The following COPB2 variants were observed in gnomAD, a reference collection of about 807,000 sequenced individuals.
COPB2 encodes the protein coat protein complex I subunit beta 2, also known as coatomer subunit beta'.
In COPB2, 16 loss-of-function variants were observed where a neutral mutation model predicts 120.8. The ratio of observed to expected loss-of-function variants is 0.13; its 90% CI spans 0.09 to 0.20. The LOEUF is 0.20. COPB2 is among the 10% of genes least tolerant of loss of function. COPB2 has a pLI of 1.00. For synonymous variants in COPB2, 332 were observed against 366.3 expected, an observed-to-expected ratio of 0.91 and a Z score of 1.07; for missense variants, 794 against 1,076.5, an observed-to-expected ratio of 0.74 and a Z score of 3.67.
intron 6 of COPB2, 84 bp from the exon 7 acceptor site, chr3:139,374,672 A>G: frequency 4.1e-6 from 4 of 981,150 alleles, no homozygotes; most frequent in Non-Finnish European, 6.0e-6. Context: ...GTACAGATAC[A>G]TTATAAATGA....
chr3:139,358,841 G>T, intron 19 of COPB2, 29 bp from the exon 20 acceptor site: 1 of 1,565,502 alleles, frequency 6.4e-7, no homozygotes, highest in Non-Finnish European at 8.8e-7. Context: ...ATGATGAAAT[G>T]AGATATTCTG....
intron 2 of COPB2, chr3:139,381,621 G>A (rs1941813359): frequency 6.6e-6 from 1 of 152,178 alleles, no homozygotes. Context: ...TATGAAAGGG[G>A]AAGCAGATGG....
chr3:139,382,235 C>T (rs958130901), intron 2 of COPB2: 20 of 152,264 alleles, frequency 1.3e-4, no homozygotes, highest in African/African-American at 4.6e-4. Flanking sequence ...TTGCCGTTCT[C>T]GTGATAGTGA....
At chr3:139,373,143 G>A (rs757449739) in intron 9 of COPB2, 70 bp downstream of exon 9, 1 of 1,456,722 alleles carries the variant, frequency 6.9e-7, no homozygotes. Context: ...CAGGGCAAGA[G>A]TGGACTGTGG....
chr3:139,362,506 C>A lies in COPB2; in HGVS notation c.1896G>T (p.Gln632His). Residue 632 changes from glutamine (Q) to histidine (H), a missense_variant, in exon 16 of 22, where the codon CAG becomes CAT. Gln to His is a conservative substitution (Grantham distance 24). Around this residue, in one of 3 missense-constraint regions of COPB2, gnomAD observed 610 missense variants for 866.7 expected, o/e 0.70. Transcript: ENST00000333188. ...AHFLEKQGFK[Q>H]QALTVSTDPE... ...GATCTGTGGATACTGTAAGAGCTTG[C>A]TGCTTGAAGCCCTAAACAGATTTTT... 6.2e-7 allele frequency: 1 copy of A among 1,604,266 alleles called. No individual in the cohort carries two copies. The highest frequency in any genetic ancestry group is 1.1e-5 in the South Asian group (1 of 88,670).
At position 139,359,771 on chromosome 3, in the gene COPB2, G is replaced by A. The variant is rs148644759; in HGVS notation, c.2211-409C>T. Reference sequence around the variant, plus strand: ...GTGGTGCCCAGCAGAATACCATGGTGTCTTATTTTTTCTTCTATTTTAATT... The same window carrying A: ...GTGGTGCCCAGCAGAATACCATGGTATCTTATTTTTTCTTCTATTTTAATT... On this transcript the variant is annotated intron_variant, in intron 17 of 21. Transcript: ENST00000333188. Among the ~76,000 whole-genome samples, 99 of 152,050 alleles carry A rather than the reference G, an allele frequency of 6.5e-4. 1 individual carries two copies. In the East Asian group the frequency reaches 0.018, roughly 28 times the overall value.
chr3:139,389,431 A>C, intron 1 of COPB2, 117 bp downstream of exon 1: 1 of 1,358,118 alleles, frequency 7.4e-7, no homozygotes, highest in African/African-American at 1.5e-5. Flanking sequence ...GCAAGGCCTG[A>C]GGCGGCGGCC....
intron 4 of COPB2, among the ~76,000 whole-genome samples, chr3:139,378,788 CA>C (rs1576377310): frequency 1.3e-5 from 2 of 152,206 alleles, no homozygotes; most frequent in East Asian, 3.8e-4. Flanking sequence ...TTCTGTTCAG[CA>C]GATGTTTAAA....
chr3:139,389,605 T>G lies in COPB2; in HGVS notation c.-55A>C, dbSNP rs1942015444. 6.6e-7 allele frequency: 1 copy of G among 1,526,488 alleles called. No homozygotes were observed. The highest frequency in any genetic ancestry group is 9.0e-7 in the Non-Finnish European group (1 of 1,116,848). The allele number at this position is 1,526,488 out of a possible 1,614,324, so 94.6% of individuals were successfully genotyped here. On this transcript the variant is annotated 5_prime_UTR_variant, in exon 1 of 22. Transcript: ENST00000333188. ...CGTTTGTTACCGGCTACTCAGGCCTTGAGATAAACCCACCGATCCACTGAC... is the reference window on the plus strand; with the variant it reads ...CGTTTGTTACCGGCTACTCAGGCCTGGAGATAAACCCACCGATCCACTGAC...
At chr3:139,374,298 CGAT>C (rs59409399) in intron 7 of COPB2, 188 bp downstream of exon 7, 200,715 of 491,824 alleles carry the variant, frequency 0.41, 46,407 homozygotes, top group Non-Finnish European at 0.5. Context: ...AGAATGATGA[CGAT>C]GATGATGATG....
intron 5 of COPB2, among the ~76,000 whole-genome samples, chr3:139,377,242 T>C (rs1272044234): frequency 8.1e-6 from 1 of 124,068 alleles, no homozygotes; most frequent in African/African-American, 2.5e-5. Context: ...GTAATAATAA[T>C]TCAATCTGAG....
At chr3:139,388,763 C>CT (rs1290063040) in intron 1 of COPB2, among the ~76,000 whole-genome samples, 3 of 149,534 alleles carry the variant, frequency 2.0e-5, no homozygotes, top group Admixed American at 6.7e-5. Flanking sequence ...GTAGCTGGGA[C>CT]TACAGGGGCC....
intron 1 of COPB2, 51 bp downstream of exon 1, chr3:139,389,497 A>C (rs1216697224): frequency 6.6e-7 from 1 of 1,524,052 alleles, no homozygotes; most frequent in East Asian, 2.5e-5. Context: ...AGCTCCAGGA[A>C]TCGGCCGTAA....
chr3:139,370,760 C>T (rs9849578), intron 10 of COPB2, among the ~76,000 whole-genome samples: 41,213 of 151,810 alleles, frequency 0.27, 7,054 homozygotes, highest in East Asian at 0.86. Context: ...CTGGATAGAG[C>T]TGAAAAAAAG....
rs771367012 is a variant in COPB2 at position 139,378,023 on chromosome 3, A to C, written c.504+18T>G. 7 of 1,508,910 alleles carry C rather than the reference A, an allele frequency of 4.6e-6. No individual in the cohort carries two copies. Among genetic ancestry groups the C allele is most frequent in the Non-Finnish European group, 6.3e-6 (7 of 1,108,422 alleles). 93.5% of individuals were successfully genotyped at this position (1,508,910 alleles called of 1,614,324 possible). Reference sequence around the variant, plus strand: ...GTTCACTAATAATGATAACTGACACAAAATGTGGATGCCCTACCTTGATAG... The same window carrying C: ...GTTCACTAATAATGATAACTGACACCAAATGTGGATGCCCTACCTTGATAG... On this transcript the variant is annotated intron_variant, in intron 5 of 21. Coordinates refer to ENST00000333188, the MANE Select transcript of COPB2 (RefSeq NM_004766.3).
In COPB2 at chr3:139,374,553, G is replaced by A. The variant is rs1299645567; in HGVS notation, c.687C>T (p.Ala229=). The A allele has an allele frequency of 1.9e-6, 3 of 1,613,758 alleles. No individual in the cohort carries two copies. Among genetic ancestry groups the A allele is most frequent in the South Asian group, 1.1e-5 (1 of 91,050 alleles). The change falls in exon 7 of 22, where the codon GCC becomes GCT. Residue 229 remains alanine, a synonymous_variant. Coordinates refer to ENST00000333188, the MANE Select transcript of COPB2 (RefSeq NM_004766.3). ...GAAAGCTGGCACAAGACACATTTTG[G>A]GCATGTCCTTCCAGTGTCTGCACAC... ...KTCVQTLEGH[A]QNVSCASFHP... is the part of the protein sequence containing the mutation.
intron 1 of COPB2, 105 bp from the exon 2 acceptor site, chr3:139,383,540 T>G: frequency 3.8e-6 from 4 of 1,042,446 alleles, no homozygotes; most frequent in Non-Finnish European, 5.3e-6. Flanking sequence ...ATTCAGCTAC[T>G]ACTTTGCTAA....
chr3:139,387,232 A>C (rs762351434), intron 1 of COPB2, among the ~76,000 whole-genome samples: 1 of 151,750 alleles, frequency 6.6e-6, no homozygotes, highest in African/African-American at 2.4e-5. Flanking sequence ...AGAAAGAAAG[A>C]AGGAAAGAAG....
At chr3:139,376,129 C>T (rs185420725) in intron 5 of COPB2, among the ~76,000 whole-genome samples, 163 of 152,290 alleles carry the variant, frequency 1.1e-3, no homozygotes, top group African/African-American at 3.7e-3. Context: ...TGAAGGCACA[C>T]GCATGTAGTC....
Sources: allele counts gnomAD v4.1 joint callset (sites outside exome capture counted in the v4.1 genomes callset), GRCh38; gene constraint gnomAD v4.1.1; regional missense constraint gnomAD v4.1.1; transcripts MANE v1.5; gene names NCBI Gene and HGNC (gene_info 2026-07-23, HGNC 2026-07-21).